Variants in NRF1 observed in about 807,000 individuals in gnomAD.
The protein encoded by NRF1 is alpha palindromic-binding protein.
A neutral mutation model predicts 58.5 loss-of-function variants in NRF1; 5 were observed. The observed-to-expected ratio is 0.09, with a 90% CI of 0.04 to 0.18. The LOEUF (loss-of-function observed/expected upper bound fraction) is 0.18, where lower values mean the gene tolerates loss of function less well. Ranked by LOEUF, NRF1 falls within the 10% of genes least tolerant of loss-of-function variation. The probability of loss-of-function intolerance (pLI) is 1.00; values close to 1 mark genes in which losing one functional copy is unlikely to be tolerated. For missense variants in NRF1, 288 were observed against 657.7 expected (o/e 0.44, Z 6.15); for synonymous variants, 224 against 246.7 (o/e 0.91, Z 0.86).
intron 5 of NRF1, among the ~76,000 whole-genome samples, chr7:129,694,723 G>A (rs1259562138): frequency 2.0e-5 from 3 of 152,138 alleles, no homozygotes; most frequent in African/African-American, 7.2e-5. Context: ...GGGAGTAAAA[G>A]GAGGGTTTTA....
intron 4 of NRF1, among the ~76,000 whole-genome samples, chr7:129,688,795 C>A (rs1032184160): frequency 3.9e-5 from 6 of 152,116 alleles, no homozygotes; most frequent in African/African-American, 1.4e-4. Flanking sequence ...ATCACGAGAA[C>A]AACATGGGAG....
At chr7:129,655,337 T>TA (rs1429395352) in intron 1 of NRF1, among the ~76,000 whole-genome samples, 4 of 152,324 alleles carry the variant, frequency 2.6e-5, no homozygotes, top group Admixed American at 1.3e-4. Flanking sequence ...GAGTTTTTTT[T>TA]ATTGATTATT....
chr7:129,672,444 T>C (rs2151083752), intron 3 of NRF1, among the ~76,000 whole-genome samples: 1 of 152,162 alleles, frequency 6.6e-6, no homozygotes, highest in East Asian at 1.9e-4. Context: ...GACTTATATT[T>C]TTAAAGAATC....
At chr7:129,676,659 TGAA>T (rs1802186679) in intron 3 of NRF1, among the ~76,000 whole-genome samples, 1 of 152,270 alleles carries the variant, frequency 6.6e-6, no homozygotes, top group South Asian at 2.1e-4. Flanking sequence ...ATTATAATAA[TGAA>T]GAAGTTTGAA....
chr7:129,668,052 GT>G (rs1801961825), intron 2 of NRF1, among the ~76,000 whole-genome samples: 1 of 151,912 alleles, frequency 6.6e-6, no homozygotes, highest in Admixed American at 6.6e-5. Flanking sequence ...GCTTTCTTTT[GT>G]TTTTCATTGT....
Position 129,756,914 on chromosome 7 carries a change from C to T in NRF1, c.*1733C>T. 6.6e-6 allele frequency: 1 copy of T among 152,406 alleles called. No individual in the cohort carries two copies. Among genetic ancestry groups the T allele is most frequent in the Non-Finnish European group, 1.5e-5 (1 of 68,024 alleles). The allele number at this position is 152,406 out of a possible 1,614,324, so 9.4% of individuals were successfully genotyped here. A position where few individuals can be genotyped will look rare whatever the true frequency, so the allele number is the denominator to read the frequency against. On this transcript the variant is annotated 3_prime_UTR_variant, in exon 11 of 11. Transcript: ENST00000393232. Reference sequence around the variant, plus strand: ...TCGTCATTGTGAAGTTGTCCAGGGACTTTAAAGTCCATGTTCCTTTGTGGT... The same window carrying T: ...TCGTCATTGTGAAGTTGTCCAGGGATTTTAAAGTCCATGTTCCTTTGTGGT...
intron 4 of NRF1, among the ~76,000 whole-genome samples, chr7:129,686,227 C>T (rs916764762): frequency 1.3e-5 from 2 of 151,988 alleles, no homozygotes; most frequent in Non-Finnish European, 2.9e-5. Context: ...CAGTATAGGA[C>T]TCCATGGAGG....
At chr7:129,754,794 TAA>T (rs1248731839) in intron 10 of NRF1, among the ~76,000 whole-genome samples, 5 of 152,146 alleles carry the variant, frequency 3.3e-5, no homozygotes. Context: ...TTGTACCCCA[TAA>T]ACATGAACAG....
intron 5 of NRF1, among the ~76,000 whole-genome samples, chr7:129,691,064 G>T (rs1369208738): frequency 6.6e-6 from 1 of 151,608 alleles, no homozygotes; most frequent in Non-Finnish European, 1.5e-5. Context: ...TAAATTTTAC[G>T]ATTTCTAAAG....
intron 5 of NRF1, among the ~76,000 whole-genome samples, chr7:129,707,660 C>T (rs139530853): frequency 1.1e-3 from 165 of 152,204 alleles, no homozygotes; most frequent in African/African-American, 3.7e-3. Flanking sequence ...TAAATGGATA[C>T]GTTTCTATCA....
At chr7:129,680,477 T>A (rs1216652149) in intron 4 of NRF1, among the ~76,000 whole-genome samples, 1 of 152,238 alleles carries the variant, frequency 6.6e-6, no homozygotes, top group Admixed American at 6.5e-5. Context: ...CATATGTTCA[T>A]ACACAAACTT....
At chr7:129,647,629 C>T (rs527757930) in intron 1 of NRF1, among the ~76,000 whole-genome samples, 1 of 152,124 alleles carries the variant, frequency 6.6e-6, no homozygotes, top group Non-Finnish European at 1.5e-5. Flanking sequence ...CTTCTGACCT[C>T]GCGATCCCCC....
chr7:129,711,709 C>A, intron 8 of NRF1, 133 bp downstream of exon 8: 1 of 653,676 alleles, frequency 1.5e-6, no homozygotes, highest in South Asian at 2.1e-5. Context: ...GAGCATGAGA[C>A]CATGAAAGTT....
chr7:129,733,909 G>A (rs770881053), intron 10 of NRF1, among the ~76,000 whole-genome samples: 7 of 151,940 alleles, frequency 4.6e-5, no homozygotes, highest in Non-Finnish European at 8.8e-5. Flanking sequence ...TATAGTCACA[G>A]CTACTCAGGA....
chr7:129,619,419 T>C (rs1278790566), intron 1 of NRF1, among the ~76,000 whole-genome samples: 4 of 94,912 alleles, frequency 4.2e-5, no homozygotes, highest in African/African-American at 1.8e-4. Flanking sequence ...TATATATATA[T>C]ATATATATAT....
At chr7:129,695,598 C>A (rs1259961000) in intron 5 of NRF1, among the ~76,000 whole-genome samples, 1 of 147,866 alleles carries the variant, frequency 6.8e-6, no homozygotes, top group Non-Finnish European at 1.5e-5. Context: ...ACAAAAAAAA[C>A]TGATTGTAAA....
chr7:129,742,110 C>T (rs1803858422), intron 10 of NRF1, among the ~76,000 whole-genome samples: 1 of 152,044 alleles, frequency 6.6e-6, no homozygotes, highest in Non-Finnish European at 1.5e-5. Context: ...CTTTTCTCCT[C>T]CTATTGGTCA....
intron 9 of NRF1, among the ~76,000 whole-genome samples, chr7:129,725,798 C>T (rs1235692869): frequency 1.3e-5 from 2 of 152,028 alleles, no homozygotes; most frequent in African/African-American, 2.4e-5. Flanking sequence ...AATTAAAAAG[C>T]AAGACAAATT....
intron 4 of NRF1, among the ~76,000 whole-genome samples, chr7:129,678,505 T>TCA: frequency 6.6e-6 from 1 of 152,226 alleles, no homozygotes; most frequent in Non-Finnish European, 1.5e-5. Flanking sequence ...CTGTTTGTTG[T>TCA]ATTTTTTTCA....
Sources: allele counts gnomAD v4.1 joint callset (sites outside exome capture counted in the v4.1 genomes callset), GRCh38; gene constraint gnomAD v4.1.1; transcripts MANE v1.5; gene names NCBI Gene and HGNC (gene_info 2026-07-23, HGNC 2026-07-21).